NRCAM: variants seen among roughly 807,000 people sequenced by gnomAD.
NRCAM encodes the protein neuronal cell adhesion molecule, also known as NgCAM-related cell adhesion molecule.
NRCAM carries 83 observed loss-of-function variants against 156.5 expected under a neutral mutation model. The observed-to-expected ratio is 0.53, with a 90% CI of 0.44 to 0.64. The LOEUF is 0.64. Ranked by LOEUF, NRCAM falls within the 30% of genes least tolerant of loss-of-function variation. NRCAM has a pLI of 0.00. For synonymous variants in NRCAM, 538 were observed against 563.9 expected, an observed-to-expected ratio of 0.95 and a Z score of 0.65; for missense variants, 1,417 against 1,597.3, an observed-to-expected ratio of 0.89 and a Z score of 1.92.
At chr7:108,429,149 T>A (rs1821436531) in intron 1 of NRCAM, among the ~76,000 whole-genome samples, 1 of 152,232 alleles carries the variant, frequency 6.6e-6, no homozygotes. Context: ...ACAGTCAATG[T>A]GAAGGAATCT....
intron 3 of NRCAM, among the ~76,000 whole-genome samples, chr7:108,254,774 T>C (rs1210242317): frequency 6.6e-6 from 1 of 152,082 alleles, no homozygotes; most frequent in Non-Finnish European, 1.5e-5. Flanking sequence ...TGGTCTCGAA[T>C]TCCTGAGCTT....
At chr7:108,441,777 C>T (rs909688102) in intron 1 of NRCAM, among the ~76,000 whole-genome samples, 2 of 152,092 alleles carry the variant, frequency 1.3e-5, no homozygotes, top group African/African-American at 2.4e-5. Flanking sequence ...TCTGGCCTGC[C>T]GCCAATTTTG....
At position 108,184,610 on chromosome 7, in the gene NRCAM, G is replaced by T; in HGVS notation, c.2040C>A (p.Phe680Leu). The change falls in exon 21 of 33, where the codon TTC (phenylalanine) becomes TTA (leucine). Residue 680 changes from phenylalanine (F) to leucine (L), a missense_variant. Transcript: ENST00000379028. The stretch of plus-strand genomic sequence containing the variant: ...GCATTGCATCTTCATATTCGATGAT[G>T]AATTCTGGTCACGACACACACACAC... ...GDDNNSPITK[F>L]IIEYEDAMHK... 1 of 1,612,072 alleles carries T rather than the reference G, an allele frequency of 6.2e-7. No homozygotes were observed. The highest frequency in any genetic ancestry group is 1.1e-5 in the South Asian group (1 of 90,944).
intron 2 of NRCAM, among the ~76,000 whole-genome samples, chr7:108,331,616 T>G (rs1005494906): frequency 3.9e-5 from 6 of 152,166 alleles, no homozygotes; most frequent in African/African-American, 1.4e-4. Context: ...ATTACTTACC[T>G]CAGTGCCTGG....
At chr7:108,191,513 A>G (rs111537687) in intron 18 of NRCAM, among the ~76,000 whole-genome samples, 1 of 152,204 alleles carries the variant, frequency 6.6e-6, no homozygotes, top group East Asian at 1.9e-4. Flanking sequence ...AAAGGTTACT[A>G]ATGTGCATAT....
At chr7:108,414,559 G>A (rs1191557424) in intron 1 of NRCAM, among the ~76,000 whole-genome samples, 1 of 152,104 alleles carries the variant, frequency 6.6e-6, no homozygotes, top group African/African-American at 2.4e-5. Flanking sequence ...ATCTAACTGG[G>A]GAGGCCAGAC....
chr7:108,287,438 G>A (rs2098136751), intron 3 of NRCAM, among the ~76,000 whole-genome samples: 1 of 151,778 alleles, frequency 6.6e-6, no homozygotes, highest in African/African-American at 2.4e-5. Context: ...ATCCAACAAA[G>A]GCAAAACTGA....
intron 2 of NRCAM, among the ~76,000 whole-genome samples, chr7:108,378,830 T>C (rs73714837): frequency 0.14 from 19,942 of 147,374 alleles, 2,017 homozygotes; most frequent in African/African-American, 0.29. Context: ...GAATAGAAAA[T>C]GGAAGGAGGA....
chr7:108,266,664 C>G (rs1161695011), intron 3 of NRCAM, among the ~76,000 whole-genome samples: 1 of 152,208 alleles, frequency 6.6e-6, no homozygotes, highest in African/African-American at 2.4e-5. Context: ...AAATATCAGT[C>G]ATTCCCTGTG....
chr7:108,451,221 A>G, intron 1 of NRCAM, among the ~76,000 whole-genome samples: 1 of 87,104 alleles, frequency 1.1e-5, no homozygotes, highest in South Asian at 2.8e-4. Flanking sequence ...TCCGTCTCCA[A>G]AAAAAAAAAA....
intron 4 of NRCAM, among the ~76,000 whole-genome samples, chr7:108,239,750 G>A (rs112829511): frequency 1.3e-5 from 2 of 152,326 alleles, no homozygotes; most frequent in African/African-American, 4.8e-5. Flanking sequence ...GAATGACAGG[G>A]AGGGAATTGT....
chr7:108,231,180 G>T, intron 7 of NRCAM, 27 bp from the exon 8 acceptor site: 1 of 1,535,746 alleles, frequency 6.5e-7, no homozygotes, highest in Non-Finnish European at 8.7e-7. Flanking sequence ...TAACTTCTCA[G>T]TTATTTCTGC....
intron 3 of NRCAM, among the ~76,000 whole-genome samples, chr7:108,266,982 C>T (rs1428689052): frequency 6.6e-6 from 1 of 152,184 alleles, no homozygotes; most frequent in Admixed American, 6.5e-5. Context: ...AGACTTTATT[C>T]CATATAGCAA....
chr7:108,255,162 T>TCTCCCC (rs1349776849), intron 3 of NRCAM, among the ~76,000 whole-genome samples: 1 of 107,416 alleles, frequency 9.3e-6, no homozygotes, highest in Non-Finnish European at 1.9e-5. Flanking sequence ...TCCCTCTCCC[T>TCTCCCC]CTCCCCCTCC....
intron 2 of NRCAM, among the ~76,000 whole-genome samples, chr7:108,368,412 C>T (rs867505329): frequency 1.3e-5 from 2 of 151,954 alleles, no homozygotes; most frequent in Middle Eastern, 3.2e-3. Context: ...TACATACACA[C>T]GCATACATAC....
chr7:108,218,728 C>T lies in NRCAM; in HGVS notation c.890+4997G>A, dbSNP rs117323646. Among the ~76,000 whole-genome samples the T allele has an allele frequency of 7.3e-3, 1,115 of 152,202 alleles. 4 individuals carry two copies. Among genetic ancestry groups the T allele is most frequent in the Non-Finnish European group, 0.012 (836 of 67,998 alleles). Reference sequence around the variant, plus strand: ...CAGAGGCGGTGCTAAGAGGAAAGTTCATAGCTCTAAACGCCTACATCGAAA... The same window carrying T: ...CAGAGGCGGTGCTAAGAGGAAAGTTTATAGCTCTAAACGCCTACATCGAAA... On this transcript the variant is annotated intron_variant, in intron 11 of 32. Transcript: ENST00000379028.
chr7:108,247,847 A>T (rs1437456900), intron 3 of NRCAM, among the ~76,000 whole-genome samples: 1 of 152,204 alleles, frequency 6.6e-6, no homozygotes, highest in African/African-American at 2.4e-5. Flanking sequence ...GGAGAAAGGG[A>T]GGAAAGAGGG....
intron 3 of NRCAM, among the ~76,000 whole-genome samples, chr7:108,250,273 A>C (rs954910898): frequency 2.0e-5 from 3 of 152,038 alleles, no homozygotes; most frequent in Non-Finnish European, 2.9e-5. Flanking sequence ...AAAAATACAC[A>C]AAATAAGCTG....
intron 3 of NRCAM, among the ~76,000 whole-genome samples, chr7:108,294,383 T>C (rs2098411162): frequency 1.3e-5 from 2 of 152,000 alleles, no homozygotes; most frequent in Non-Finnish European, 2.9e-5. Context: ...CCAACACCCC[T>C]CTTTCTCCCT....
Sources: allele counts gnomAD v4.1 joint callset (sites outside exome capture counted in the v4.1 genomes callset), GRCh38; gene constraint gnomAD v4.1.1; transcripts MANE v1.5; gene names NCBI Gene and HGNC (gene_info 2026-07-23, HGNC 2026-07-21).